Variants in TCF12 observed in about 807,000 individuals in gnomAD.
The protein encoded by TCF12 is transcription factor 12.
Under a neutral mutation model 86.0 loss-of-function variants are expected in TCF12, and 45 were observed. The observed-to-expected ratio is 0.52, with a 90% CI of 0.41 to 0.67. The LOEUF is 0.67. TCF12 is among the 30% of genes least tolerant of loss of function. The pLI is 0.00. For synonymous variants in TCF12, 330 were observed against 299.6 expected, an observed-to-expected ratio of 1.10 and a Z score of -1.05; for missense variants, 881 against 859.9, an observed-to-expected ratio of 1.02 and a Z score of -0.31.
At chr15:57,072,246 A>C (rs2069458982) in intron 4 of TCF12, among the ~76,000 whole-genome samples, 1 of 152,230 alleles carries the variant, frequency 6.6e-6, no homozygotes, top group Non-Finnish European at 1.5e-5. Flanking sequence ...TGACTGGGAA[A>C]GATATAAAAT....
intron 5 of TCF12, among the ~76,000 whole-genome samples, chr15:57,115,281 A>G (rs2050762680): frequency 6.6e-6 from 1 of 152,206 alleles, no homozygotes; most frequent in Non-Finnish European, 1.5e-5. Context: ...GGAGTGAGCT[A>G]CATAAACTAA....
At chr15:57,017,962 A>T (rs886186274) in intron 3 of TCF12, among the ~76,000 whole-genome samples, 4 of 152,204 alleles carry the variant, frequency 2.6e-5, no homozygotes, top group Non-Finnish European at 5.9e-5. Context: ...ATGTATCACA[A>T]ACTCCAGGGA....
At chr15:57,056,095 T>C (rs1473233939) in intron 3 of TCF12, among the ~76,000 whole-genome samples, 1 of 149,292 alleles carries the variant, frequency 6.7e-6, no homozygotes, top group Non-Finnish European at 1.5e-5. Context: ...TCTTTCTAAA[T>C]TTCAGATACT....
At chr15:57,027,690 G>A (rs976802320) in intron 3 of TCF12, among the ~76,000 whole-genome samples, 9 of 152,186 alleles carry the variant, frequency 5.9e-5, no homozygotes, top group South Asian at 2.1e-4. Flanking sequence ...TGGTTTGGCC[G>A]TGTCCCCACC....
chr15:57,283,572 T>G (rs1458127446), intron 20 of TCF12, among the ~76,000 whole-genome samples: 1 of 152,194 alleles, frequency 6.6e-6, no homozygotes, highest in Non-Finnish European at 1.5e-5. Context: ...GCTGGTAACT[T>G]CATTTTTATA....
At chr15:57,059,380 A>G (rs971757449) in intron 3 of TCF12, among the ~76,000 whole-genome samples, 1 of 152,162 alleles carries the variant, frequency 6.6e-6, no homozygotes, top group Non-Finnish European at 1.5e-5. Flanking sequence ...CTTTTGCTGC[A>G]GGGACATCCT....
chr15:57,042,572 C>T (rs562110283), intron 3 of TCF12, among the ~76,000 whole-genome samples: 2 of 152,028 alleles, frequency 1.3e-5, no homozygotes, highest in Admixed American at 6.6e-5. Flanking sequence ...CACCACCATT[C>T]CTGGCTAATT....
At chr15:57,098,191 AC>A in intron 5 of TCF12, among the ~76,000 whole-genome samples, 1 of 152,208 alleles carries the variant, frequency 6.6e-6, no homozygotes, top group African/African-American at 2.4e-5. Context: ...TCTCAAAAAA[AC>A]AAAACAAACA....
intron 6 of TCF12, among the ~76,000 whole-genome samples, chr15:57,174,065 G>A (rs1054882321): frequency 1.3e-5 from 2 of 152,116 alleles, no homozygotes; most frequent in Non-Finnish European, 2.9e-5. Context: ...GAAAGCATAA[G>A]GGTCATATGG....
chr15:57,122,601 A>G (rs2051318962), intron 5 of TCF12, among the ~76,000 whole-genome samples: 1 of 152,236 alleles, frequency 6.6e-6, no homozygotes, highest in South Asian at 2.1e-4. Flanking sequence ...ACTCCAAAGT[A>G]CATGTTCTTA....
chr15:57,237,898 T>C (rs1315069950), intron 12 of TCF12, among the ~76,000 whole-genome samples: 3 of 152,342 alleles, frequency 2.0e-5, no homozygotes, highest in African/African-American at 4.8e-5. Context: ...AAGGCTGTGT[T>C]ATCATGCTTT....
intron 5 of TCF12, among the ~76,000 whole-genome samples, chr15:57,113,677 C>A (rs1201123040): frequency 6.6e-6 from 1 of 151,106 alleles, no homozygotes; most frequent in East Asian, 1.9e-4. Flanking sequence ...AGTCGCTTAA[C>A]ACCTGTAATT....
intron 4 of TCF12, 90 bp from the exon 5 acceptor site, chr15:57,091,699 T>C: frequency 1.2e-6 from 1 of 828,162 alleles, no homozygotes; most frequent in Non-Finnish European, 1.9e-6. Flanking sequence ...CATGTGTAAG[T>C]CTGTATATTA....
chr15:57,142,304 T>TAGATAGATAG (rs2053028299), intron 5 of TCF12, among the ~76,000 whole-genome samples: 18 of 149,612 alleles, frequency 1.2e-4, no homozygotes, highest in Non-Finnish European at 2.7e-4. Flanking sequence ...CTCACACTTT[T>TAGATAGATAG]ATAGATAGAT....
intron 16 of TCF12, among the ~76,000 whole-genome samples, chr15:57,261,727 G>A (rs1014338964): frequency 1.7e-5 from 2 of 118,116 alleles, no homozygotes; most frequent in Non-Finnish European, 3.6e-5. Context: ...ATACTTTAAT[G>A]TATTTAGGTA....
chr15:56,940,493 C>CCTTCTTCTTCTT (rs1438703149), intron 3 of TCF12, among the ~76,000 whole-genome samples: 1 of 101,620 alleles, frequency 9.8e-6, no homozygotes, highest in Non-Finnish European at 2.2e-5. Context: ...TCCTCCTCCT[C>CCTTCTTCTTCTT]CTCCTCCTTC....
chr15:57,207,686 A>G (rs1209580437), intron 8 of TCF12, among the ~76,000 whole-genome samples: 1 of 152,164 alleles, frequency 6.6e-6, no homozygotes, highest in African/African-American at 2.4e-5. Flanking sequence ...TCAAAAAACA[A>G]CAACAAAAAT....
chr15:56,989,159 G>A (rs2063329575), intron 3 of TCF12, among the ~76,000 whole-genome samples: 2 of 152,048 alleles, frequency 1.3e-5, no homozygotes, highest in Admixed American at 1.3e-4. Flanking sequence ...ATTTAAATTA[G>A]GATCATACTG....
At position 57,197,912 on chromosome 15, in the gene TCF12, G is replaced by A. The variant is rs1240916788; in HGVS notation, c.579+87G>A. 3.1e-6 allele frequency: 4 copies of A among 1,310,710 alleles called. No homozygotes were observed. The African/African-American group carries it at 4.4e-5, about 14-fold the overall frequency. 81.2% of individuals were successfully genotyped at this position (1,310,710 alleles called of 1,614,324 possible). A position where few individuals can be genotyped will look rare whatever the true frequency, so the allele number is the denominator to read the frequency against. On this transcript the variant is annotated intron_variant, in intron 8 of 20. Coordinates refer to ENST00000333725, the MANE Select transcript of TCF12 (RefSeq NM_207037.2). ...CCTTGCTACAAGGGTACATTCGATT[G>A]ATGCGAGTGGGCATACTTTACATAG...
Sources: allele counts gnomAD v4.1 joint callset (sites outside exome capture counted in the v4.1 genomes callset), GRCh38; gene constraint gnomAD v4.1.1; transcripts MANE v1.5; gene names NCBI Gene and HGNC (gene_info 2026-07-23, HGNC 2026-07-21).